Variants in FYB2 observed in about 807,000 individuals in gnomAD.
FYB2 encodes FYN binding protein 2.
In FYB2, 103 loss-of-function variants were observed where a neutral mutation model predicts 94.1. The observed-to-expected ratio is 1.09, with a 90% confidence interval of 0.93 to 1.29. The LOEUF is 1.29. Among genes scored for constraint, FYB2 ranks in the 50% most tolerant of loss-of-function variants. The probability of loss-of-function intolerance (pLI) is 0.00; values close to 1 mark genes in which losing one functional copy is unlikely to be tolerated. For missense variants in FYB2, 896 were observed against 841.5 expected (o/e 1.06, Z -0.80); for synonymous variants, 293 against 287.9 (o/e 1.02, Z -0.18).
chr1:56,723,647 G>C lies in FYB2; in HGVS notation c.1915C>G (p.Gln639Glu). The change falls in exon 17 of 20, where the codon CAA becomes GAA. Residue 639 changes from glutamine to glutamate, a missense_variant. Gln to Glu is a conservative substitution (Grantham distance 29). Transcript: ENST00000343433. ...SPRNFFKTKK[Q>E]NLEKNRMKRE... ...TTCATTCTGTTCTTTTCTAAGTTTTGCTTCTTGGTTTTGAAGAAATTTCTA... is the reference window on the plus strand; with the variant it reads ...TTCATTCTGTTCTTTTCTAAGTTTTCCTTCTTGGTTTTGAAGAAATTTCTA... 1 of 1,569,482 alleles carries C rather than the reference G, an allele frequency of 6.4e-7. No individual in the cohort carries two copies. The highest frequency in any genetic ancestry group is 8.7e-7 in the Non-Finnish European group (1 of 1,145,190).
the FYB2 span, chr1:56,825,203 A>G: frequency 6.6e-6 from 1 of 152,360 alleles, no homozygotes; most frequent in Non-Finnish European, 1.5e-5. Flanking sequence ...GCCAGCTAAT[A>G]AAGAAGGCAG....
At chr1:56,758,634 C>T in intron 6 of FYB2, 82 bp downstream of exon 6, 6 of 1,072,664 alleles carry the variant, frequency 5.6e-6, no homozygotes, top group Non-Finnish European at 7.9e-6. Flanking sequence ...GACATTTTTT[C>T]CCTCTAAAAG....
chr1:56,784,572 C>A (rs1386681445), intron 4 of FYB2, among the ~76,000 whole-genome samples: 3 of 152,170 alleles, frequency 2.0e-5, no homozygotes, highest in Non-Finnish European at 4.4e-5. Flanking sequence ...CAACTTTTTA[C>A]CATGGCACTT....
intron 1 of FYB2, among the ~76,000 whole-genome samples, chr1:56,809,731 C>A (rs1646724732): frequency 6.6e-6 from 1 of 152,106 alleles, no homozygotes. Context: ...TTTCCCCTTC[C>A]TCCCTAGACT....
At position 56,737,237 on chromosome 1, in the gene FYB2, T is replaced by G. The variant is rs1408650758; in HGVS notation, c.1733-90A>C. On this transcript the variant is annotated intron_variant, in intron 14 of 19. Transcript: ENST00000343433. ...CAAATTATACTCAATTACCTAATTA[T>G]CCAGGTGCATCTTCAGGTCTGTTTT... The G allele has an allele frequency of 6.6e-6, 6 of 905,078 alleles. No individual in the cohort carries two copies. In the Admixed American group the frequency reaches 1.6e-4, roughly 24 times the overall value. 56.1% of individuals were successfully genotyped at this position (905,078 alleles called of 1,614,324 possible). A position where few individuals can be genotyped will look rare whatever the true frequency, so the allele number is the denominator to read the frequency against.
intron 1 of FYB2, among the ~76,000 whole-genome samples, chr1:56,805,180 A>G (rs577943224): frequency 3.3e-5 from 5 of 152,258 alleles, no homozygotes; most frequent in Middle Eastern, 3.4e-3. Flanking sequence ...AGTGATTTAC[A>G]TACGTGTCTG....
At chr1:56,757,945 T>G (rs1364399376) in intron 6 of FYB2, among the ~76,000 whole-genome samples, 2 of 10,676 alleles carry the variant, frequency 1.9e-4, no homozygotes, top group Non-Finnish European at 2.7e-4. Flanking sequence ...AATTTTTGTA[T>G]TTTTTTTTTT....
chr1:56,775,261 C>A (rs1249583366), intron 4 of FYB2, among the ~76,000 whole-genome samples: 1 of 152,142 alleles, frequency 6.6e-6, no homozygotes, highest in Non-Finnish European at 1.5e-5. Context: ...CAGCCCTGGG[C>A]ACTAGGTATT....
intron 16 of FYB2, among the ~76,000 whole-genome samples, chr1:56,724,540 G>A (rs1020473150): frequency 5.3e-5 from 8 of 151,920 alleles, no homozygotes; most frequent in Non-Finnish European, 8.8e-5. Context: ...TGCCATCTTC[G>A]TCTTACCTCA....
At chr1:56,762,467 A>G (rs1237434479) in intron 5 of FYB2, among the ~76,000 whole-genome samples, 2 of 152,168 alleles carry the variant, frequency 1.3e-5, no homozygotes, top group Non-Finnish European at 2.9e-5. Flanking sequence ...TTAAATATAA[A>G]CACATATCTA....
intron 3 of FYB2, 81 bp downstream of exon 3, chr1:56,788,892 C>T (rs781609673): frequency 4.4e-5 from 68 of 1,546,050 alleles, no homozygotes; most frequent in Middle Eastern, 1.7e-4. Flanking sequence ...AAAGCAGCAG[C>T]GGCATCGTCA....
chr1:56,768,079 C>G, intron 4 of FYB2, 141 bp from the exon 5 acceptor site: 1 of 607,806 alleles, frequency 1.6e-6, no homozygotes, highest in Admixed American at 3.1e-5. Context: ...GCACACTACC[C>G]CTACTCCAAA....
At chr1:56,784,776 C>T (rs1646095033) in intron 4 of FYB2, among the ~76,000 whole-genome samples, 2 of 152,220 alleles carry the variant, frequency 1.3e-5, no homozygotes, top group African/African-American at 4.8e-5. Context: ...TCCATTCATT[C>T]ATCCACCCAT....
At chr1:56,757,510 A>G (rs925038755) in intron 6 of FYB2, among the ~76,000 whole-genome samples, 2 of 152,072 alleles carry the variant, frequency 1.3e-5, no homozygotes, top group African/African-American at 4.8e-5. Context: ...CCAGATATTC[A>G]GTGAAACAAG....
chr1:56,790,185 G>T (rs1410904539), intron 2 of FYB2, among the ~76,000 whole-genome samples: 1 of 152,176 alleles, frequency 6.6e-6, no homozygotes, highest in Non-Finnish European at 1.5e-5. Context: ...GAAAACTTAA[G>T]AAGTGGCCTA....
intron 1 of FYB2, among the ~76,000 whole-genome samples, chr1:56,814,862 T>C (rs1646845400): frequency 6.6e-6 from 1 of 152,170 alleles, no homozygotes; most frequent in African/African-American, 2.4e-5. Context: ...AAATTGCTCT[T>C]GAAGCCTACA....
chr1:56,818,572 A>G (rs1332325926), intron 1 of FYB2, among the ~76,000 whole-genome samples: 1 of 152,060 alleles, frequency 6.6e-6, no homozygotes, highest in Non-Finnish European at 1.5e-5. Context: ...TGGAGAAGGA[A>G]AAAGGAAGAT....
chr1:56,741,111 C>A (rs1168987754), intron 12 of FYB2, among the ~76,000 whole-genome samples: 1 of 151,878 alleles, frequency 6.6e-6, no homozygotes, highest in Non-Finnish European at 1.5e-5. Context: ...ACCTCTGAGT[C>A]CATAAAAAAA....
chr1:56,787,023 A>G (rs1646146246), intron 4 of FYB2, 152 bp downstream of exon 4: 2 of 823,828 alleles, frequency 2.4e-6, no homozygotes, highest in African/African-American at 1.7e-5. Flanking sequence ...CTTTACAACA[A>G]AAGTTACACT....
Sources: allele counts gnomAD v4.1 joint callset (sites outside exome capture counted in the v4.1 genomes callset), GRCh38; gene constraint gnomAD v4.1.1; transcripts MANE v1.5; gene names NCBI Gene and HGNC (gene_info 2026-07-23, HGNC 2026-07-21).